CHCT1: variants seen among roughly 807,000 people sequenced by gnomAD.
The protein encoded by CHCT1 is CHD1 helical C-terminal domain containing 1.
At chr17:60,429,378 C>T in the CHCT1 span, 13 of 1,613,484 alleles carry the variant, frequency 8.1e-6, 1 homozygote, top group South Asian at 5.5e-5. Flanking sequence ...TTCTGCGCCT[C>T]GGATGCGCCG....
chr17:60,431,021 C>T, the CHCT1 span, among the ~76,000 whole-genome samples: 3 of 152,216 alleles, frequency 2.0e-5, no homozygotes, highest in African/African-American at 7.2e-5. Flanking sequence ...CATCTCTCTA[C>T]TGGGTTTCTG....
At chr17:60,431,280 G>A in the CHCT1 span, 1 of 1,578,070 alleles carries the variant, frequency 6.3e-7, no homozygotes, top group Non-Finnish European at 8.7e-7. Context: ...GACCAACTGG[G>A]ACAAAGGGCC....
the CHCT1 span, among the ~76,000 whole-genome samples, chr17:60,427,232 C>T: frequency 6.6e-6 from 1 of 152,136 alleles, no homozygotes; most frequent in Non-Finnish European, 1.5e-5. Context: ...TCATATTTAT[C>T]CCCGCTTTTA....
At chr17:60,424,766 G>A in the CHCT1 span, among the ~76,000 whole-genome samples, 2 of 151,932 alleles carry the variant, frequency 1.3e-5, no homozygotes, top group Middle Eastern at 3.2e-3. Flanking sequence ...CCAGCTACTC[G>A]GGAGGCTGAG....
the CHCT1 span, chr17:60,422,751 C>A: frequency 6.8e-6 from 8 of 1,182,644 alleles, no homozygotes; most frequent in African/African-American, 1.6e-5. Flanking sequence ...TGATAGGGTA[C>A]CTGAGATAGC....
At chr17:60,421,384 A>C in the CHCT1 span, 2 of 985,504 alleles carry the variant, frequency 2.0e-6, no homozygotes, top group Non-Finnish European at 2.4e-6. Context: ...TGAAGCCGCT[A>C]TGCCCCTCTC....
chr17:60,426,883 G>A, the CHCT1 span: 21 of 1,540,096 alleles, frequency 1.4e-5, no homozygotes, highest in Admixed American at 2.0e-5. Context: ...AGACTTGCGG[G>A]GAGGCCTGGG....
the CHCT1 span, chr17:60,431,368 G>T: frequency 2.5e-6 from 2 of 790,346 alleles, no homozygotes; most frequent in South Asian, 1.7e-5. Flanking sequence ...AAGATTCTCA[G>T]GTCTTAATTA....
chr17:60,422,760 G>A, the CHCT1 span: 2 of 1,079,818 alleles, frequency 1.9e-6, no homozygotes, highest in Non-Finnish European at 2.6e-6. Context: ...ACCTGAGATA[G>A]CAAGAGGCCT....
At chr17:60,426,208 C>G in the CHCT1 span, 4 of 1,551,694 alleles carry the variant, frequency 2.6e-6, no homozygotes, top group South Asian at 4.8e-5. Flanking sequence ...GAAAGTTGCA[C>G]CTGCCCAGGG....
the CHCT1 span, chr17:60,426,938 C>G: frequency 1.3e-6 from 2 of 1,499,952 alleles, no homozygotes; most frequent in East Asian, 4.9e-5. Flanking sequence ...GGGCTCACTG[C>G]CAGGGCAAGA....
At chr17:60,429,474 A>C in the CHCT1 span, 14 of 1,614,268 alleles carry the variant, frequency 8.7e-6, no homozygotes, top group Middle Eastern at 6.6e-4. Context: ...AGCGGCATGA[A>C]GGAGCGGCTG....
At chr17:60,422,590 GAGATGGAGGCCTC>G in the CHCT1 span, 2 of 1,550,346 alleles carry the variant, frequency 1.3e-6, no homozygotes, top group African/African-American at 2.7e-5. Context: ...CACACCTGCT[GAGATGGAGGCCTC>G]AGATGGGCAA....
the CHCT1 span, among the ~76,000 whole-genome samples, chr17:60,424,185 A>T: frequency 9.2e-5 from 14 of 152,166 alleles, no homozygotes; most frequent in Non-Finnish European, 1.6e-4. Flanking sequence ...CCCATGACCC[A>T]AACACCTCCC....
At chr17:60,421,947 G>A in the CHCT1 span, 4 of 985,270 alleles carry the variant, frequency 4.1e-6, no homozygotes, top group African/African-American at 7.0e-5. Flanking sequence ...CGCGGGGAGG[G>A]TTACAGAGCC....
At chr17:60,426,881 G>A in the CHCT1 span, 114 of 1,540,310 alleles carry the variant, frequency 7.4e-5, no homozygotes, top group African/African-American at 1.1e-3. Flanking sequence ...TTAGACTTGC[G>A]GGGAGGCCTG....
chr17:60,428,529 C>G, the CHCT1 span, among the ~76,000 whole-genome samples: 1 of 151,406 alleles, frequency 6.6e-6, no homozygotes, highest in Admixed American at 6.6e-5. Context: ...CTCTTGTCCC[C>G]CAGGCTGGAG....
the CHCT1 span, chr17:60,429,535 A>G: frequency 1.9e-6 from 3 of 1,614,004 alleles, no homozygotes; most frequent in Admixed American, 3.3e-5. Flanking sequence ...GGCAGCCAAG[A>G]TCCCAGGACC....
At chr17:60,428,485 ATTTT>A in the CHCT1 span, among the ~76,000 whole-genome samples, 1 of 134,422 alleles carries the variant, frequency 7.4e-6, no homozygotes, top group Admixed American at 7.5e-5. Flanking sequence ...ATTGGCCTGA[ATTTT>A]TTTTTTTTTT....
Sources: gnomAD v4.1 joint callset for allele counts (sites outside exome capture counted in the v4.1 genomes callset) on GRCh38, gnomAD v4.1.1 for gene constraint, MANE v1.5 for transcripts, NCBI Gene and HGNC (gene_info 2026-07-23, HGNC 2026-07-21) for gene names.